Variants in ADCK1 observed in about 807,000 individuals in gnomAD.
ADCK1 encodes the protein aarF domain containing kinase 1.
In ADCK1, 41 loss-of-function variants were observed where a neutral mutation model predicts 52.3. That is an observed-to-expected ratio of 0.78 (90% CI 0.61 to 1.02). ADCK1 has a LOEUF of 1.02. ADCK1 is among the 50% of genes least tolerant of loss of function. ADCK1 has a pLI of 0.00. For missense variants in ADCK1, 658 were observed against 679.5 expected, an observed-to-expected ratio of 0.97 and a Z score of 0.35; for synonymous variants, 250 against 274.6, an observed-to-expected ratio of 0.91 and a Z score of 0.89.
chr14:77,858,997 G>A, intron 3 of ADCK1, 79 bp from the exon 4 acceptor site: 3 of 1,372,196 alleles, frequency 2.2e-6, no homozygotes, highest in Non-Finnish European at 3.0e-6. Flanking sequence ...TTTTCAAGCA[G>A]AGCAGGAAGG....
At chr14:77,877,077 T>G (rs2140181140) in intron 4 of ADCK1, among the ~76,000 whole-genome samples, 1 of 152,234 alleles carries the variant, frequency 6.6e-6, no homozygotes, top group South Asian at 2.1e-4. Context: ...TAGCCGGGTG[T>G]GGTGATGCGC....
chr14:77,878,788 G>A (rs2082954286), intron 4 of ADCK1, among the ~76,000 whole-genome samples: 1 of 152,246 alleles, frequency 6.6e-6, no homozygotes, highest in Non-Finnish European at 1.5e-5. Context: ...ATGTTATTAA[G>A]ATGGGGAATG....
At chr14:77,922,103 T>C (rs2084075752) in intron 7 of ADCK1, among the ~76,000 whole-genome samples, 1 of 152,178 alleles carries the variant, frequency 6.6e-6, no homozygotes, top group South Asian at 2.1e-4. Flanking sequence ...GTTTGGCAGA[T>C]ACAGCCTTTC....
At chr14:77,824,403 A>C (rs2081647792) in intron 3 of ADCK1, among the ~76,000 whole-genome samples, 1 of 151,766 alleles carries the variant, frequency 6.6e-6, no homozygotes, top group Non-Finnish European at 1.5e-5. Context: ...CCTTGTCCCC[A>C]AAATGTCTTT....
At chr14:77,810,609 C>G (rs2081319498) in intron 1 of ADCK1, among the ~76,000 whole-genome samples, 1 of 151,114 alleles carries the variant, frequency 6.6e-6, no homozygotes, top group Non-Finnish European at 1.5e-5. Context: ...CAGCTCACTG[C>G]AAGCTATGCC....
intron 4 of ADCK1, among the ~76,000 whole-genome samples, chr14:77,882,963 C>G (rs549283465): frequency 1.2e-4 from 17 of 136,012 alleles, no homozygotes; most frequent in South Asian, 2.7e-4. Flanking sequence ...ACCACCCCCC[C>G]CCCCGTGCTT....
intron 3 of ADCK1, among the ~76,000 whole-genome samples, chr14:77,855,319 G>A (rs1039116490): frequency 6.6e-6 from 1 of 152,212 alleles, no homozygotes. Flanking sequence ...TGTAATCTTC[G>A]TAGCAGCCCT....
chr14:77,802,611 C>T (rs1042597090), intron 1 of ADCK1, among the ~76,000 whole-genome samples: 1 of 151,956 alleles, frequency 6.6e-6, no homozygotes, highest in African/African-American at 2.4e-5. Context: ...GATTTAAGGA[C>T]CTTGAGTGCT....
intron 1 of ADCK1, among the ~76,000 whole-genome samples, chr14:77,808,010 AACAC>A (rs2139997953): frequency 6.6e-6 from 1 of 152,292 alleles, no homozygotes; most frequent in East Asian, 1.9e-4. Flanking sequence ...GGTCAAGTGA[AACAC>A]AGACACAGGC....
chr14:77,923,731 T>A lies in ADCK1; in HGVS notation c.859-726T>A, dbSNP rs991213875. 1 of 152,178 alleles carries A rather than the reference T, an allele frequency of 6.6e-6. No homozygotes were observed. The highest frequency in any genetic ancestry group is 1.5e-5 in the Non-Finnish European group (1 of 68,044). The allele number at this position is 152,178 out of a possible 1,614,324, so 9.4% of individuals were successfully genotyped here. ...TGTTCCTTAGCGGGGAAGAGGCTTT[T>A]AGCTTTAATAAAAAAGGGACTAGAG... On this transcript the variant is annotated intron_variant, in intron 7 of 10. Transcript: ENST00000238561. The surrounding 1 kb of genome is among the most constrained non-coding windows in gnomAD (Gnocchi z 4.3).
In ADCK1 at chr14:77,838,023, A is replaced by G. The variant is rs376238938; in HGVS notation, c.219+15505A>G. Among the ~76,000 whole-genome samples the G allele has an allele frequency of 2.4e-4, 37 of 152,350 alleles. No individual in the cohort carries two copies. In the East Asian group the frequency reaches 6.6e-3, roughly 27 times the overall value. ...TTGACGGAAGGCACTCCGCAGCCGT[A>G]AGGGTGATCGAGATGCTTGTTAACA... On this transcript the variant is annotated intron_variant, in intron 3 of 10. Coordinates refer to ENST00000238561, the MANE Select transcript of ADCK1 (RefSeq NM_020421.4).
At chr14:77,817,766 C>G (rs553307781) in intron 1 of ADCK1, among the ~76,000 whole-genome samples, 3 of 150,382 alleles carry the variant, frequency 2.0e-5, no homozygotes, top group Admixed American at 6.6e-5. Context: ...GACGGAGTCT[C>G]GCTCTGTCAC....
chr14:77,805,986 G>GTTTT, intron 1 of ADCK1, among the ~76,000 whole-genome samples: 1 of 112,736 alleles, frequency 8.9e-6, no homozygotes, highest in African/African-American at 3.6e-5. Context: ...TATTCTTACG[G>GTTTT]CTTTTTTTTT....
At chr14:77,907,610 A>C (rs143374591) in intron 6 of ADCK1, among the ~76,000 whole-genome samples, 193 bp from the exon 7 acceptor site, 1 of 152,342 alleles carries the variant, frequency 6.6e-6, no homozygotes, top group Non-Finnish European at 1.5e-5. Flanking sequence ...CCTGCTGAGC[A>C]GAGGTGGAGT....
intron 4 of ADCK1, 48 bp downstream of exon 4, chr14:77,859,327 A>T (rs2082493547): frequency 6.4e-7 from 1 of 1,570,188 alleles, no homozygotes; most frequent in Admixed American, 1.8e-5. Flanking sequence ...ATGCTTCAGA[A>T]AAGGCCCCGG....
chr14:77,850,596 C>T (rs1400608972), intron 3 of ADCK1, among the ~76,000 whole-genome samples: 1 of 150,542 alleles, frequency 6.6e-6, no homozygotes, highest in Non-Finnish European at 1.5e-5. Flanking sequence ...ATTTTGTCTG[C>T]TATAAATATA....
In ADCK1 at chr14:77,807,213, C is replaced by T. The variant is rs1383699991; in HGVS notation, c.-12+7043C>T. On this transcript the variant is annotated intron_variant, in intron 1 of 10. Transcript: ENST00000238561. ...CCTCCCAAGTAGCTGGGACTACAGG[C>T]GCCCGCCACCACGCCCGGTTAATTT... Among the ~76,000 whole-genome samples, 45 of 151,804 alleles carry T rather than the reference C, an allele frequency of 3.0e-4. 1 individual carries two copies. Among genetic ancestry groups the T allele is most frequent in the African/African-American group, 8.7e-4 (36 of 41,364 alleles).
intron 4 of ADCK1, among the ~76,000 whole-genome samples, chr14:77,883,238 C>A (rs1027778831): frequency 6.6e-6 from 1 of 152,000 alleles, no homozygotes; most frequent in African/African-American, 2.4e-5. Context: ...GGAAAGAAAG[C>A]CTTAGAAAAG....
At chr14:77,894,736 GTTTTTTTTTTTTTTTTT>G in intron 5 of ADCK1, among the ~76,000 whole-genome samples, 1 of 36,484 alleles carries the variant, frequency 2.7e-5, no homozygotes, top group Non-Finnish European at 5.9e-5. Context: ...TTCTTTTCTT[GTTTTTTTTTTTTTTTTT>G]TTTTTTTTTT....
Sources: gnomAD v4.1 joint callset for allele counts (sites outside exome capture counted in the v4.1 genomes callset) on GRCh38, gnomAD v4.1.1 for gene constraint, Gnocchi (gnomAD v3.1) non-coding constraint, MANE v1.5 for transcripts, NCBI Gene and HGNC (gene_info 2026-07-23, HGNC 2026-07-21) for gene names.